Variants in TNKS observed in about 807,000 individuals in gnomAD.
TNKS encodes poly [ADP-ribose] polymerase tankyrase-1.
A neutral mutation model predicts 135.8 loss-of-function variants in TNKS; 72 were observed. That is an observed-to-expected ratio of 0.53 (90% CI 0.44 to 0.64). The LOEUF (loss-of-function observed/expected upper bound fraction) is 0.64. Among genes scored for constraint, TNKS ranks in the 30% least tolerant of loss-of-function variants. The pLI is 0.00. For synonymous variants in TNKS, 849 were observed against 649.3 expected (o/e 1.31, Z -4.68); for missense variants, 1,769 against 1,674.0 (o/e 1.06, Z -0.99).
intron 2 of TNKS, among the ~76,000 whole-genome samples, chr8:9,605,857 T>A (rs1799197259): frequency 6.6e-6 from 1 of 152,114 alleles, no homozygotes; most frequent in Non-Finnish European, 1.5e-5. Context: ...TTGTCTTACA[T>A]ATGTGTTGCA....
intron 2 of TNKS, among the ~76,000 whole-genome samples, chr8:9,593,010 T>C (rs1308125127): frequency 6.6e-6 from 1 of 152,224 alleles, no homozygotes; most frequent in Non-Finnish European, 1.5e-5. Flanking sequence ...ATGCATTAAC[T>C]TTTGGTTATA....
chr8:9,672,684 A>T (rs1270059208), intron 3 of TNKS, among the ~76,000 whole-genome samples: 1 of 110,668 alleles, frequency 9.0e-6, no homozygotes, highest in Admixed American at 9.8e-5. Context: ...AAACACATAC[A>T]CACACACACA....
intron 2 of TNKS, among the ~76,000 whole-genome samples, chr8:9,611,335 T>C (rs1799455439): frequency 6.6e-6 from 1 of 152,214 alleles, no homozygotes; most frequent in African/African-American, 2.4e-5. Flanking sequence ...CAGATTTTAG[T>C]TTCCTTCTTT....
Position 9,720,359 on chromosome 8 carries a change from G to A in TNKS, c.1750-15G>A, listed in dbSNP as rs749706076. ...AAGATGCTCAATTCCATGTGCCCAC[G>A]CAATGATTTTTCAGATGAATGCACT... On this transcript the variant is annotated splice_polypyrimidine_tract_variant and intron_variant, in intron 11 of 26. Coordinates refer to ENST00000310430, the MANE Select transcript of TNKS (RefSeq NM_003747.3). 9 of 1,573,864 alleles carry A rather than the reference G, an allele frequency of 5.7e-6. No homozygotes were observed. Among genetic ancestry groups the A allele is most frequent in the South Asian group, 2.3e-5 (2 of 85,996 alleles).
chr8:9,745,181 A>C (rs1806173616), intron 17 of TNKS, among the ~76,000 whole-genome samples: 3 of 152,212 alleles, frequency 2.0e-5, no homozygotes, highest in Non-Finnish European at 4.4e-5. Flanking sequence ...CCTTTGAATA[A>C]GGGAGATAAA....
intron 3 of TNKS, among the ~76,000 whole-genome samples, chr8:9,663,345 T>G (rs182489094): frequency 9.9e-4 from 151 of 152,292 alleles, no homozygotes; most frequent in African/African-American, 3.5e-3. Flanking sequence ...ATTAAGTGAG[T>G]TTATTCAAGG....
At chr8:9,563,865 C>T (rs548673020) in intron 1 of TNKS, among the ~76,000 whole-genome samples, 19 of 152,196 alleles carry the variant, frequency 1.2e-4, no homozygotes, top group African/African-American at 3.9e-4. Context: ...TATTTGACCT[C>T]AGTTACTTTC....
intron 2 of TNKS, among the ~76,000 whole-genome samples, chr8:9,606,417 A>G (rs765207951): frequency 1.6e-4 from 24 of 152,064 alleles, no homozygotes; most frequent in Non-Finnish European, 3.2e-4. Flanking sequence ...CAGAAGTCCT[A>G]TTATATCTAT....
At chr8:9,761,698 CTGA>C in intron 21 of TNKS, 62 bp downstream of exon 21, 5 of 1,536,904 alleles carry the variant, frequency 3.3e-6, no homozygotes, top group Non-Finnish European at 4.4e-6. Flanking sequence ...AGTATTGGGG[CTGA>C]TAATTGAACT....
chr8:9,664,866 C>T (rs1313640684), intron 3 of TNKS, among the ~76,000 whole-genome samples: 1 of 152,192 alleles, frequency 6.6e-6, no homozygotes, highest in Non-Finnish European at 1.5e-5. Flanking sequence ...CATAAGGATT[C>T]CGTACTATAT....
intron 26 of TNKS, among the ~76,000 whole-genome samples, chr8:9,772,045 CAG>C (rs1045260419): frequency 2.3e-5 from 2 of 87,638 alleles, no homozygotes; most frequent in Admixed American, 1.3e-4. Context: ...TGAGAGGAGA[CAG>C]AGGTAGGGAG....
intron 21 of TNKS, 54 bp downstream of exon 21, chr8:9,761,690 T>C: frequency 6.4e-7 from 1 of 1,555,562 alleles, no homozygotes; most frequent in East Asian, 2.3e-5. Context: ...ACAAGGTAAG[T>C]ATTGGGGCTG....
intron 3 of TNKS, 105 bp downstream of exon 3, chr8:9,615,782 C>CA: frequency 1.3e-6 from 1 of 789,472 alleles, no homozygotes. Context: ...TGAAGCTAAG[C>CA]AAATATATCT....
At chr8:9,572,151 A>G (rs866325257) in intron 1 of TNKS, among the ~76,000 whole-genome samples, 2 of 152,328 alleles carry the variant, frequency 1.3e-5, no homozygotes, top group East Asian at 1.9e-4. Flanking sequence ...AGTGTTTTCA[A>G]CCAGGATCTT....
At chr8:9,559,247 C>G (rs1396822380) in intron 1 of TNKS, among the ~76,000 whole-genome samples, 1 of 151,940 alleles carries the variant, frequency 6.6e-6, no homozygotes, top group Non-Finnish European at 1.5e-5. Context: ...CTGTCTGTCC[C>G]AATATGTAAT....
chr8:9,649,173 A>G (rs1354056999), intron 3 of TNKS, among the ~76,000 whole-genome samples: 3 of 152,236 alleles, frequency 2.0e-5, no homozygotes, highest in African/African-American at 7.2e-5. Flanking sequence ...CATGTTTCTT[A>G]TCCCTGAAAG....
At chr8:9,582,675 C>T (rs1466451155) in intron 2 of TNKS, among the ~76,000 whole-genome samples, 1 of 152,132 alleles carries the variant, frequency 6.6e-6, no homozygotes, top group African/African-American at 2.4e-5. Flanking sequence ...CTGTTCTTCA[C>T]AGTGTTCCTG....
At chr8:9,671,845 A>G (rs1802283058) in intron 3 of TNKS, among the ~76,000 whole-genome samples, 1 of 152,378 alleles carries the variant, frequency 6.6e-6, no homozygotes, top group Non-Finnish European at 1.5e-5. Context: ...CCTGTGGTCA[A>G]CTGCCTCTCA....
chr8:9,679,848 C>A lies in TNKS; in HGVS notation c.995-103C>A, dbSNP rs1361462053. The A allele has an allele frequency of 5.0e-6, 5 of 998,836 alleles. No homozygotes were observed. The Admixed American group carries it at 9.2e-5, about 18-fold the overall frequency. 61.9% of individuals were successfully genotyped at this position (998,836 alleles called of 1,614,324 possible). A position where few individuals can be genotyped will look rare whatever the true frequency, so the allele number is the denominator to read the frequency against. ...CATCACCCAGCGGGGTGTGGACTCT[C>A]TTTTTCTGTTCTTCTCTATTTAATT... is the stretch of plus-strand genomic sequence containing the variant. On this transcript the variant is annotated intron_variant, in intron 3 of 26. Transcript: ENST00000310430.
Sources: gnomAD v4.1 joint callset for allele counts (sites outside exome capture counted in the v4.1 genomes callset) on GRCh38, gnomAD v4.1.1 for gene constraint, MANE v1.5 for transcripts, NCBI Gene and HGNC (gene_info 2026-07-23, HGNC 2026-07-21) for gene names.